Variants in TSPAN16 observed in about 807,000 individuals in gnomAD.
TSPAN16 encodes tetraspanin 16.
A neutral mutation model predicts 25.2 loss-of-function variants in TSPAN16; 23 were observed. The ratio of observed to expected loss-of-function variants is 0.91; its 90% CI spans 0.66 to 1.29. The LOEUF (loss-of-function observed/expected upper bound fraction) is 1.29, where lower values mean the gene tolerates loss of function less well. Among genes scored for constraint, TSPAN16 ranks in the 50% most tolerant of loss-of-function variants. The pLI, the probability that TSPAN16 is intolerant of heterozygous loss-of-function variation, is 0.00. For missense variants in TSPAN16, 272 were observed against 299.9 expected, an observed-to-expected ratio of 0.91 and a Z score of 0.69; for synonymous variants, 123 against 124.4, an observed-to-expected ratio of 0.99 and a Z score of 0.08.
rs780559759 is a variant in TSPAN16, at chr19:11,306,758, TA to T, written c.603+4del. Reference sequence around the variant, plus strand: ...TCTCCAAACGTCATCCACCAGAAGGTAACTGGAGATTTTGTGTGTTGCCTTG... The same window carrying T: ...TCTCCAAACGTCATCCACCAGAAGGTACTGGAGATTTTGTGTGTTGCCTTG... On this transcript the variant is annotated splice_donor_region_variant and intron_variant, in intron 5 of 6. Transcript: ENST00000590327. 2.0e-5 allele frequency: 33 copies of T among 1,612,772 alleles called. No homozygotes were observed. The highest frequency in any genetic ancestry group is 2.5e-5 in the Non-Finnish European group (30 of 1,179,156).
intron 6 of TSPAN16, chr19:11,325,596 G>A: frequency 6.3e-7 from 1 of 1,577,250 alleles, no homozygotes; most frequent in African/African-American, 1.5e-5. Context: ...CTGGATGAAT[G>A]TTAAGGTGGG....
At chr19:11,302,674 T>TACACACACAC (rs1388088474) in intron 4 of TSPAN16, among the ~76,000 whole-genome samples, 12 of 128,630 alleles carry the variant, frequency 9.3e-5, no homozygotes, top group South Asian at 6.6e-4. Flanking sequence ...TATATATATA[T>TACACACACAC]ATATACACAC....
chr19:11,299,479 T>A (rs974803947), intron 3 of TSPAN16, among the ~76,000 whole-genome samples: 10 of 152,118 alleles, frequency 6.6e-5, no homozygotes, highest in Non-Finnish European at 1.3e-4. Flanking sequence ...TTGGGTTTGG[T>A]GGCAGGAGAA....
rs776831500 is a variant in TSPAN16, at chr19:11,298,308, C to T, written c.236C>T (p.Ala79Val). 29 of 1,613,884 alleles carry T rather than the reference C, an allele frequency of 1.8e-5. No homozygotes were observed. The highest frequency in any genetic ancestry group is 2.2e-5 in the East Asian group (1 of 44,888). ...CTTGGCTGTGCCGGGTGGTATGGAGCGACTAAAGAGAGCAGAGGCACGCTC... is the reference window on the plus strand; with the variant it reads ...CTTGGCTGTGCCGGGTGGTATGGAGTGACTAAAGAGAGCAGAGGCACGCTC... ...VLLGCAGWYGATKESRGTLLF... is the reference protein window; with the variant it reads ...VLLGCAGWYGVTKESRGTLLF... The change falls in exon 2 of 7, where the codon GCG (alanine) becomes GTG (valine). Residue 79 changes from alanine to valine, a missense_variant. Coordinates refer to ENST00000590327, the MANE Select transcript of TSPAN16 (RefSeq NM_001282509.2).
chr19:11,315,838 A>G lies in TSPAN16; in HGVS notation c.735A>G (p.Ter245TrpextTer?). The G allele has an allele frequency of 8.1e-7, 1 of 1,231,886 alleles. No individual in the cohort carries two copies. The highest frequency in any genetic ancestry group is 1.0e-6 in the Non-Finnish European group (1 of 987,834). The allele number at this position is 1,231,886 out of a possible 1,614,324, so 76.3% of individuals were successfully genotyped here. A position where few individuals can be genotyped will look rare whatever the true frequency, so the allele number is the denominator to read the frequency against. The change falls in exon 7 of 7, where the codon TGA (stop) becomes TGG (tryptophan). Residue 245 changes from the stop codon to tryptophan, a stop_lost. Transcript: ENST00000590327. Reference sequence around the variant, plus strand: ...TGCTGCTGTTTATCAAGCTGGGCTGACACCCAGGCCTGGAGAAGATGAGAC... The same window carrying G: ...TGCTGCTGTTTATCAAGCTGGGCTGGCACCCAGGCCTGGAGAAGATGAGAC... Reference protein sequence around the residue: ...ATLLLFIKLG* With the variant: ...ATLLLFIKLGW
At chr19:11,321,762 C>G (rs537562656) in intron 6 of TSPAN16, among the ~76,000 whole-genome samples, 1 of 152,166 alleles carries the variant, frequency 6.6e-6, no homozygotes, top group East Asian at 1.9e-4. Flanking sequence ...TGGGAGCCAT[C>G]GAATGTTCTA....
At chr19:11,301,772 G>A (rs2080552807) in intron 4 of TSPAN16, among the ~76,000 whole-genome samples, 1 of 152,040 alleles carries the variant, frequency 6.6e-6, no homozygotes, top group Non-Finnish European at 1.5e-5. Flanking sequence ...CTGCACTCTA[G>A]CCTGGGTGAC....
At chr19:11,320,997 C>T (rs561413394) in intron 6 of TSPAN16, among the ~76,000 whole-genome samples, 31 of 151,990 alleles carry the variant, frequency 2.0e-4, no homozygotes, top group South Asian at 1.0e-3. Context: ...GGTGAAACCC[C>T]GTCTCTACTA....
chr19:11,310,959 C>A (rs899728465), intron 5 of TSPAN16, among the ~76,000 whole-genome samples: 1 of 152,028 alleles, frequency 6.6e-6, no homozygotes, highest in Non-Finnish European at 1.5e-5. Flanking sequence ...CGTCTCAGCC[C>A]CCCAAGTATC....
rs773027325 is a variant in TSPAN16, at chr19:11,326,856, C to T, written c.*12C>T. 1.7e-5 allele frequency: 11 copies of T among 634,986 alleles called. 1 individual carries two copies. Among genetic ancestry groups the T allele is most frequent in the South Asian group, 1.4e-4 (8 of 58,034 alleles). 39.3% of individuals were successfully genotyped at this position (634,986 alleles called of 1,614,324 possible). On this transcript the variant is annotated 3_prime_UTR_variant, in exon 7 of 7. Transcript: ENST00000316737. ...AACTGCTGGCCTAAAGCGATCCCCC[C>T]GCCTAGGCCTCCCAAAGTGCTGGGT...
intron 4 of TSPAN16, among the ~76,000 whole-genome samples, chr19:11,305,648 C>T (rs1280868130): frequency 6.6e-6 from 1 of 152,142 alleles, no homozygotes; most frequent in African/African-American, 2.4e-5. Flanking sequence ...GGGTGGATCG[C>T]TTGAGGCTAA....
At chr19:11,318,560 A>G (rs571077779), downstream of TSPAN16, among the ~76,000 whole-genome samples, 92 of 152,328 alleles carry the variant, frequency 6.0e-4, no homozygotes, top group African/African-American at 1.9e-3. Context: ...CTGAGCATCA[A>G]TGAACTCAGG....
chr19:11,320,610 C>G (rs2080772454), downstream of TSPAN16, among the ~76,000 whole-genome samples: 1 of 151,002 alleles, frequency 6.6e-6, no homozygotes, highest in Non-Finnish European at 1.5e-5. Context: ...GAGTTCGAGG[C>G]TGCAGTGAGC....
chr19:11,301,154 C>T (rs371017318), intron 3 of TSPAN16, 47 bp from the exon 4 acceptor site: 5 of 1,520,964 alleles, frequency 3.3e-6, no homozygotes, highest in Non-Finnish European at 4.6e-6. Context: ...ATGAACGGGC[C>T]ACTCTTGCTA....
intron 6 of TSPAN16, chr19:11,322,943 C>G (rs554609396): frequency 6.6e-6 from 1 of 152,078 alleles, no homozygotes; most frequent in Non-Finnish European, 1.5e-5. Flanking sequence ...GTGAAACCGT[C>G]GCTACTAAAA....
At chr19:11,320,246 C>T (rs902982448), downstream of TSPAN16, among the ~76,000 whole-genome samples, 2 of 152,044 alleles carry the variant, frequency 1.3e-5, no homozygotes, top group African/African-American at 4.8e-5. Context: ...CTCAGCCTCC[C>T]GAGTAGCTGG....
intron 1 of TSPAN16, among the ~76,000 whole-genome samples, chr19:11,297,503 T>G (rs2080491747): frequency 6.6e-6 from 1 of 151,918 alleles, no homozygotes; most frequent in Non-Finnish European, 1.5e-5. Context: ...TTATTTTATT[T>G]TATTTTATTT....
At chr19:11,314,754 C>T (rs1481874504) in intron 6 of TSPAN16, among the ~76,000 whole-genome samples, 2 of 151,884 alleles carry the variant, frequency 1.3e-5, no homozygotes, top group Non-Finnish European at 2.9e-5. Context: ...CTAGAAAGGG[C>T]ATGAAGAGGG....
At chr19:11,325,591 T>G in intron 6 of TSPAN16, 1 of 1,595,180 alleles carries the variant, frequency 6.3e-7, no homozygotes, top group East Asian at 2.3e-5. Context: ...GAAACCTGGA[T>G]GAATGTTAAG....
Sources: gnomAD v4.1 joint callset for allele counts (sites outside exome capture counted in the v4.1 genomes callset) on GRCh38, gnomAD v4.1.1 for gene constraint, MANE v1.5 for transcripts, NCBI Gene and HGNC (gene_info 2026-07-23, HGNC 2026-07-21) for gene names.